The following GNA12 variants were observed in gnomAD, a reference collection of about 807,000 sequenced individuals.
GNA12 encodes guanine nucleotide-binding protein subunit alpha-12.
Under a neutral mutation model 26.0 loss-of-function variants are expected in GNA12, and 9 were observed. The ratio of observed to expected loss-of-function variants is 0.35; its 90% confidence interval spans 0.21 to 0.60. GNA12 has a LOEUF of 0.60. Among genes scored for constraint, GNA12 ranks in the 20% least tolerant of loss-of-function variants. GNA12 has a pLI of 0.78. For missense variants in GNA12, 405 were observed against 525.8 expected, an observed-to-expected ratio of 0.77 and a Z score of 2.25; for synonymous variants, 264 against 219.6, an observed-to-expected ratio of 1.20 and a Z score of -1.79.
At chr7:2,749,878 A>G (rs892306629) in intron 2 of GNA12, among the ~76,000 whole-genome samples, 2 of 152,156 alleles carry the variant, frequency 1.3e-5, no homozygotes, top group African/African-American at 4.8e-5. Flanking sequence ...AAAGAGAAAA[A>G]AGATAAAGAA....
chr7:2,803,138 G>C (rs528174263), intron 1 of GNA12, among the ~76,000 whole-genome samples: 2 of 152,296 alleles, frequency 1.3e-5, no homozygotes, highest in South Asian at 2.1e-4. Context: ...TGCTATGGGA[G>C]AACTTTCAAA....
At chr7:2,839,711 C>T (rs190683222) in intron 1 of GNA12, among the ~76,000 whole-genome samples, 6 of 152,228 alleles carry the variant, frequency 3.9e-5, no homozygotes, top group African/African-American at 7.2e-5. Flanking sequence ...ACAAAATTAT[C>T]GAATTAAAGA....
chr7:2,734,759 C>T (rs1215567026), intron 2 of GNA12, among the ~76,000 whole-genome samples: 2 of 152,226 alleles, frequency 1.3e-5, no homozygotes, highest in African/African-American at 4.8e-5. Flanking sequence ...GTCTCCCCAT[C>T]CCAGCACTGC....
At chr7:2,786,149 T>C (rs558060772) in intron 2 of GNA12, among the ~76,000 whole-genome samples, 1 of 152,184 alleles carries the variant, frequency 6.6e-6, no homozygotes, top group Non-Finnish European at 1.5e-5. Flanking sequence ...GTGTTACACA[T>C]GTAATACAGT....
intron 2 of GNA12, among the ~76,000 whole-genome samples, chr7:2,794,290 G>GT (rs1436665285): frequency 6.6e-6 from 1 of 152,118 alleles, no homozygotes; most frequent in African/African-American, 2.4e-5. Context: ...CCCTGGGTGT[G>GT]TATTAATATC....
chr7:2,835,970 T>C, intron 1 of GNA12: 1 of 480,418 alleles, frequency 2.1e-6, no homozygotes, highest in Admixed American at 2.9e-5. Context: ...GATTTGAAAG[T>C]TCAGTTGTAT....
chr7:2,759,473 C>A (rs965067291), intron 2 of GNA12, among the ~76,000 whole-genome samples: 1 of 152,036 alleles, frequency 6.6e-6, no homozygotes, highest in Admixed American at 6.6e-5. Context: ...AATAACATGC[C>A]CAAGTGGTAA....
At chr7:2,810,437 C>T (rs948012707) in intron 1 of GNA12, among the ~76,000 whole-genome samples, 4 of 152,178 alleles carry the variant, frequency 2.6e-5, no homozygotes, top group Non-Finnish European at 5.9e-5. Flanking sequence ...GAGATGGACA[C>T]ATTCAGACCA....
chr7:2,817,679 G>T (rs1562443859), intron 1 of GNA12, among the ~76,000 whole-genome samples: 2 of 152,226 alleles, frequency 1.3e-5, no homozygotes, highest in African/African-American at 2.4e-5. Flanking sequence ...CTGGCACTCA[G>T]ATGTTTGTGG....
intron 1 of GNA12, among the ~76,000 whole-genome samples, chr7:2,839,069 T>C (rs1778917626): frequency 6.6e-6 from 1 of 152,220 alleles, no homozygotes; most frequent in Admixed American, 6.5e-5. Context: ...TATCATGTAC[T>C]TACGGGATGT....
chr7:2,841,126 T>C (rs1778977517), intron 1 of GNA12, among the ~76,000 whole-genome samples: 2 of 152,228 alleles, frequency 1.3e-5, no homozygotes, highest in South Asian at 4.1e-4. Context: ...AGTGTTTCTA[T>C]GCATCAGGAG....
intron 1 of GNA12, among the ~76,000 whole-genome samples, chr7:2,820,069 CATGG>C (rs1271446827): frequency 2.6e-5 from 4 of 152,308 alleles, no homozygotes; most frequent in African/African-American, 9.6e-5. Context: ...CACGCTACAG[CATGG>C]ATGAACTTTG....
At chr7:2,774,161 C>A (rs1432544799) in intron 2 of GNA12, among the ~76,000 whole-genome samples, 1 of 151,984 alleles carries the variant, frequency 6.6e-6, no homozygotes, top group African/African-American at 2.4e-5. Flanking sequence ...GTCATTGTTT[C>A]CTGAGCTGGC....
intron 1 of GNA12, among the ~76,000 whole-genome samples, chr7:2,832,791 C>A (rs191603739): frequency 6.6e-6 from 1 of 152,312 alleles, no homozygotes; most frequent in East Asian, 1.9e-4. Context: ...GGGATGTTTT[C>A]TTCCCCTTGC....
At chr7:2,787,624 A>G (rs1792395540) in intron 2 of GNA12, among the ~76,000 whole-genome samples, 1 of 152,338 alleles carries the variant, frequency 6.6e-6, no homozygotes, top group Non-Finnish European at 1.5e-5. Context: ...AAGCCAAGAC[A>G]CAGAGGCTTA....
chr7:2,748,565 A>T (rs1356121420), intron 2 of GNA12, among the ~76,000 whole-genome samples: 5 of 152,110 alleles, frequency 3.3e-5, no homozygotes, highest in Non-Finnish European at 7.4e-5. Context: ...CCCTAGAAGA[A>T]AACCTAGGCA....
chr7:2,744,187 C>T (rs1344568740), intron 2 of GNA12, among the ~76,000 whole-genome samples: 8 of 152,224 alleles, frequency 5.3e-5, no homozygotes, highest in East Asian at 1.9e-4. Context: ...TCTCCCAGCA[C>T]GCAGCTGGAG....
intron 1 of GNA12, among the ~76,000 whole-genome samples, chr7:2,803,154 C>T (rs1014905963): frequency 6.6e-6 from 1 of 152,150 alleles, no homozygotes; most frequent in Non-Finnish European, 1.5e-5. Context: ...TCAAAACAAG[C>T]GTAGCAGCAA....
chr7:2,791,266 CT>C (rs1421501154), intron 2 of GNA12, among the ~76,000 whole-genome samples: 3 of 152,180 alleles, frequency 2.0e-5, no homozygotes, highest in Admixed American at 2.0e-4. Context: ...GATCATCTTC[CT>C]TTTAACTGAG....
Sources: allele counts gnomAD v4.1 joint callset (sites outside exome capture counted in the v4.1 genomes callset), GRCh38; gene constraint gnomAD v4.1.1; transcripts MANE v1.5; gene names NCBI Gene and HGNC (gene_info 2026-07-23, HGNC 2026-07-21).